Variants in OSBPL9 observed in about 807,000 individuals in gnomAD.
The protein encoded by OSBPL9 is oxysterol binding protein like 9, also known as oxysterol-binding protein-related protein 9.
A neutral mutation model predicts 106.6 loss-of-function variants in OSBPL9; 40 were observed. That is an observed-to-expected ratio of 0.38 (90% CI 0.29 to 0.49). OSBPL9 has a LOEUF of 0.49. Ranked by LOEUF, OSBPL9 falls within the 20% of genes least tolerant of loss-of-function variation. OSBPL9 has a pLI of 0.97. For synonymous variants in OSBPL9, 269 were observed against 295.4 expected, an observed-to-expected ratio of 0.91 and a Z score of 0.92; for missense variants, 609 against 887.2, an observed-to-expected ratio of 0.69 and a Z score of 3.98.
intron 1 of OSBPL9, among the ~76,000 whole-genome samples, chr1:51,631,947 A>G (rs1477807213): frequency 2.0e-5 from 3 of 152,212 alleles, no homozygotes; most frequent in Non-Finnish European, 4.4e-5. Flanking sequence ...TATCATCAGT[A>G]TCACTGTCTT....
chr1:51,538,951 C>G, the OSBPL9 span, among the ~76,000 whole-genome samples: 2 of 152,208 alleles, frequency 1.3e-5, no homozygotes, highest in Non-Finnish European at 2.9e-5. Flanking sequence ...TCCTCACTCT[C>G]TTTGTCTATT....
intron 1 of OSBPL9, among the ~76,000 whole-genome samples, chr1:51,626,882 C>T (rs970938726): frequency 6.6e-6 from 1 of 152,226 alleles, no homozygotes; most frequent in Admixed American, 6.5e-5. Flanking sequence ...CTTTTGGTGT[C>T]GTATCTGAGA....
chr1:51,707,988 A>G (rs1571221213), intron 3 of OSBPL9: 1 of 249,122 alleles, frequency 4.0e-6, no homozygotes, highest in Non-Finnish European at 8.1e-6. Context: ...GGAACTTGCC[A>G]TGGGTGGAGT....
intron 3 of OSBPL9, among the ~76,000 whole-genome samples, chr1:51,706,471 G>A (rs952737577): frequency 2.6e-5 from 4 of 151,748 alleles, no homozygotes; most frequent in South Asian, 4.2e-4. Context: ...TGTTGTCTTC[G>A]TCCCTTCCTC....
intron 1 of OSBPL9, among the ~76,000 whole-genome samples, chr1:51,592,277 G>A (rs111834119): frequency 0.029 from 4,366 of 151,966 alleles, 86 homozygotes; most frequent in Non-Finnish European, 0.044. Flanking sequence ...ACCACACCCG[G>A]CTAATTTTTT....
intron 1 of OSBPL9, among the ~76,000 whole-genome samples, chr1:51,647,983 C>G (rs1646275931): frequency 6.6e-6 from 1 of 152,122 alleles, no homozygotes; most frequent in South Asian, 2.1e-4. Context: ...CCTGTTTTGT[C>G]ATCCAGCTGA....
At chr1:51,578,853 G>T (rs769091824) in intron 1 of OSBPL9, among the ~76,000 whole-genome samples, 1 of 152,088 alleles carries the variant, frequency 6.6e-6, no homozygotes. Flanking sequence ...GTGTGGTAAG[G>T]GTAGTGATAG....
chr1:51,668,313 GC>G (rs1649000389), intron 2 of OSBPL9, among the ~76,000 whole-genome samples: 1 of 152,102 alleles, frequency 6.6e-6, no homozygotes, highest in South Asian at 2.1e-4. Flanking sequence ...TTCACAGAAT[GC>G]ATGTAGTTGA....
upstream of OSBPL9, among the ~76,000 whole-genome samples, chr1:51,575,687 A>G (rs1645179633): frequency 1.3e-5 from 2 of 152,176 alleles, no homozygotes; most frequent in South Asian, 4.1e-4. Context: ...AGTTAAGAAC[A>G]TGGCACTCCA....
chr1:51,647,044 G>A (rs192709381), intron 1 of OSBPL9, among the ~76,000 whole-genome samples: 14 of 152,140 alleles, frequency 9.2e-5, no homozygotes, highest in Middle Eastern at 3.4e-3. Context: ...TTACATATGC[G>A]GTTACCTTGG....
chr1:51,713,451 G>GTT, intron 3 of OSBPL9, among the ~76,000 whole-genome samples: 1 of 151,398 alleles, frequency 6.6e-6, no homozygotes, highest in East Asian at 1.9e-4. Context: ...CACCCAGCCA[G>GTT]TTTTTTTTTG....
intron 1 of OSBPL9, among the ~76,000 whole-genome samples, chr1:51,591,467 C>T (rs574146580): frequency 1.3e-5 from 2 of 152,266 alleles, no homozygotes; most frequent in South Asian, 2.1e-4. Flanking sequence ...TGGAGGAGCA[C>T]ATAAAAGTTT....
chr1:51,751,780 A>C (rs1164696746), intron 8 of OSBPL9, among the ~76,000 whole-genome samples: 2 of 152,212 alleles, frequency 1.3e-5, no homozygotes, highest in Non-Finnish European at 2.9e-5. Flanking sequence ...GTTGTACAGT[A>C]GGTCAGCCTA....
chr1:51,775,043 G>A (rs990481460), intron 14 of OSBPL9, among the ~76,000 whole-genome samples: 1 of 151,768 alleles, frequency 6.6e-6, no homozygotes, highest in Non-Finnish European at 1.5e-5. Flanking sequence ...ATTTTTACTC[G>A]GTGGTTTATA....
the OSBPL9 span, among the ~76,000 whole-genome samples, chr1:51,551,149 A>G: frequency 2.6e-5 from 4 of 152,244 alleles, no homozygotes; most frequent in Non-Finnish European, 5.9e-5. Context: ...TCAAAAAAGT[A>G]AGTTATTTTG....
chr1:51,676,519 G>A (rs1223994669), intron 3 of OSBPL9, among the ~76,000 whole-genome samples: 2 of 151,864 alleles, frequency 1.3e-5, no homozygotes, highest in East Asian at 1.9e-4. Flanking sequence ...TTAGCCGGGA[G>A]TGGTGGTGAT....
chr1:51,608,981 C>T (rs1033948414), intron 2 of OSBPL9, among the ~76,000 whole-genome samples: 1 of 151,988 alleles, frequency 6.6e-6, no homozygotes, highest in Non-Finnish European at 1.5e-5. Flanking sequence ...TTCACAGAGC[C>T]CTTCCCTCTT....
At chr1:51,714,193 A>T in intron 4 of OSBPL9, 114 bp downstream of exon 4, 1 of 680,328 alleles carries the variant, frequency 1.5e-6, no homozygotes, top group Non-Finnish European at 2.4e-6. Flanking sequence ...GGAACTTATA[A>T]TTTCTGAGTT....
chr1:51,645,819 G>C (rs997771581), intron 1 of OSBPL9, among the ~76,000 whole-genome samples: 1 of 151,896 alleles, frequency 6.6e-6, no homozygotes. Context: ...CATAGGGTAG[G>C]TATCCAGCTT....
Sources: gnomAD v4.1 joint callset for allele counts (sites outside exome capture counted in the v4.1 genomes callset) on GRCh38, gnomAD v4.1.1 for gene constraint, MANE v1.5 for transcripts, NCBI Gene and HGNC (gene_info 2026-07-23, HGNC 2026-07-21) for gene names.